Variants in NCBP2L observed in about 807,000 individuals in gnomAD.
NCBP2L encodes the protein nuclear cap binding protein subunit 2 like.
For synonymous variants in NCBP2L, 39 were observed against 19.2 expected, an observed-to-expected ratio of 2.04 and a Z score of -2.70; for missense variants, 95 against 53.1, an observed-to-expected ratio of 1.79 and a Z score of -2.45.
At chrX:107,781,472 A>ATT (rs769639335) in intron 1 of NCBP2L, among the ~76,000 whole-genome samples, 53 of 73,848 alleles carry the variant, frequency 7.2e-4, no homozygotes, top group African/African-American at 2.9e-3. Context: ...CGCCCGGCTA[A>ATT]TTTTTTTTTT....
intron 1 of NCBP2L, among the ~76,000 whole-genome samples, chrX:107,792,409 G>T (rs1386566310): frequency 9.1e-6 from 1 of 110,173 alleles, no homozygotes; most frequent in Non-Finnish European, 1.9e-5. Flanking sequence ...ATTTGTCAAT[G>T]ACTTAAAGTA....
intron 1 of NCBP2L, among the ~76,000 whole-genome samples, chrX:107,781,676 A>ATCTATCTATCTATCTCTCTCTCTCTCTC (rs1380779020): frequency 1.8e-5 from 1 of 55,885 alleles, no homozygotes; most frequent in African/African-American, 1.1e-4. Context: ...CTATCTATCT[A>ATCTATCTATCTATCTCTCTCTCTCTCTC]TCTCTCTCTC....
chrX:107,782,250 A>T (rs57298762), intron 1 of NCBP2L, among the ~76,000 whole-genome samples: 20 of 4,109 alleles, frequency 4.9e-3, no homozygotes, highest in East Asian at 0.021. Flanking sequence ...TATATATATA[A>T]ATATATATAT....
At chrX:107,781,770 A>ATATATATAGATCTATAGATATCTATATT (rs1569457145) in intron 1 of NCBP2L, among the ~76,000 whole-genome samples, 8 of 32,625 alleles carry the variant, frequency 2.5e-4, no homozygotes, top group Non-Finnish European at 4.1e-4. Flanking sequence ...ATAGATATCT[A>ATATATATAGATCTATAGATATCTATATT]TATATATAGA....
At chrX:107,779,569 C>T (rs1404314971) in intron 1 of NCBP2L, among the ~76,000 whole-genome samples, 2 of 110,792 alleles carry the variant, frequency 1.8e-5, no homozygotes, top group African/African-American at 3.3e-5. Flanking sequence ...GCTGGGATTA[C>T]GGGCATGTGC....
chrX:107,783,226 T>C (rs1213633800), intron 1 of NCBP2L, among the ~76,000 whole-genome samples: 1 of 108,784 alleles, frequency 9.2e-6, no homozygotes, highest in Non-Finnish European at 1.9e-5. Flanking sequence ...CTCACGCCTG[T>C]AATTCTAGCA....
At chrX:107,779,298 G>A (rs919424516) in intron 1 of NCBP2L, among the ~76,000 whole-genome samples, 1 of 112,386 alleles carries the variant, frequency 8.9e-6, no homozygotes, top group Non-Finnish European at 1.9e-5. Context: ...TGGGGACAAA[G>A]TCACAGGTAC....
rs780380652 is a variant in NCBP2L, at chrX:107,794,297, G to A, written c.77G>A (p.Gly26Asp). 1.8e-6 allele frequency: 1 copy of A among 569,861 alleles called. No homozygotes were observed. Among genetic ancestry groups the A allele is most frequent in the South Asian group, 2.2e-5 (1 of 44,899 alleles). 47.0% of individuals were successfully genotyped at this position (569,861 alleles called of 1,213,427 possible). Residue 26 changes from glycine (G) to aspartate (D), a missense_variant, in exon 2 of 2, where the codon GGC (glycine) becomes GAC (aspartate). Physicochemically the swap from Gly to Asp is moderately conservative, Grantham distance 94. Transcript: ENST00000509000. ...LSCYRDHQFS[G>D]RKFQQEKLLK... Reference sequence around the variant, plus strand: ...TGCTACCGGGACCATCAGTTCAGTGGCCGTAAATTTCAGCAGGAAAAATTA... The same window carrying A: ...TGCTACCGGGACCATCAGTTCAGTGACCGTAAATTTCAGCAGGAAAAATTA...
chrX:107,791,382 C>G (rs939412888), intron 1 of NCBP2L, among the ~76,000 whole-genome samples: 1 of 111,160 alleles, frequency 9.0e-6, no homozygotes, highest in Non-Finnish European at 1.9e-5. Flanking sequence ...GTAGCTGGGA[C>G]TATAGTCACA....
intron 1 of NCBP2L, among the ~76,000 whole-genome samples, chrX:107,781,651 CATCTATCTATCTATCTATCTATCTA>C (rs1930273595): frequency 1.5e-5 from 1 of 65,221 alleles, no homozygotes; most frequent in Non-Finnish European, 2.6e-5. Flanking sequence ...ATCTATCTAT[CATCTATCTATCTATCTATCTATCTA>C]TCTCTCTCTC....
intron 1 of NCBP2L, among the ~76,000 whole-genome samples, chrX:107,782,249 AAAT>A (rs1930315861): frequency 2.3e-4 from 2 of 8,649 alleles, no homozygotes; most frequent in Non-Finnish European, 3.4e-4. Flanking sequence ...ATATATATAT[AAAT>A]ATATATATAA....
chrX:107,794,923 G>A lies in NCBP2L; in HGVS notation c.*241G>A, dbSNP rs763360953. 3 of 251,137 alleles carry A rather than the reference G, an allele frequency of 1.2e-5. No homozygotes were observed. Among genetic ancestry groups the A allele is most frequent in the Non-Finnish European group, 2.1e-5 (3 of 141,761 alleles). 20.7% of individuals were successfully genotyped at this position (251,137 alleles called of 1,213,427 possible). A position where few individuals can be genotyped will look rare whatever the true frequency, so the allele number is the denominator to read the frequency against. ...GGTGGTCCAAAGTGAAGTGTTCTTC[G>A]GGAACAAATTAGGTATGTAAGATCA... On this transcript the variant is annotated 3_prime_UTR_variant, in exon 2 of 2. Transcript: ENST00000509000.
At chrX:107,791,850 T>G (rs1276143802) in intron 1 of NCBP2L, among the ~76,000 whole-genome samples, 1 of 112,066 alleles carries the variant, frequency 8.9e-6, no homozygotes, top group East Asian at 2.8e-4. Context: ...GAAATCAGTA[T>G]TGTTAAGTGC....
At chrX:107,792,698 C>A (rs185847745) in intron 1 of NCBP2L, among the ~76,000 whole-genome samples, 1 of 111,907 alleles carries the variant, frequency 8.9e-6, no homozygotes, top group South Asian at 3.8e-4. Context: ...CTGCAACACA[C>A]ACATATACAT....
intron 1 of NCBP2L, among the ~76,000 whole-genome samples, chrX:107,784,743 G>A (rs1403629533): frequency 1.9e-5 from 2 of 104,071 alleles, no homozygotes; most frequent in African/African-American, 7.1e-5. Flanking sequence ...AGCTGAGGCG[G>A]GTGGATCACT....
At chrX:107,782,338 A>T (rs7889113) in intron 1 of NCBP2L, among the ~76,000 whole-genome samples, 11 of 34,778 alleles carry the variant, frequency 3.2e-4, no homozygotes, top group African/African-American at 1.3e-3. Context: ...TATATATATA[A>T]ATATATATAT....
intron 1 of NCBP2L, among the ~76,000 whole-genome samples, chrX:107,789,831 C>T (rs1295098397): frequency 9.1e-6 from 1 of 109,667 alleles, no homozygotes. Flanking sequence ...CAGTCTTTCC[C>T]AGGTTTTTTC....
intron 1 of NCBP2L, among the ~76,000 whole-genome samples, chrX:107,782,186 TATATATATAAATATATATATATAA>T (rs1569457211): frequency 0.012 from 332 of 28,205 alleles, 57 homozygotes; most frequent in African/African-American, 0.059. Flanking sequence ...TATATAAATA[TATATATATAAATATATATATATAA>T]ATATATATAT....
chrX:107,794,280 G>A lies in NCBP2L; in HGVS notation c.60G>A (p.Arg20=), dbSNP rs1198996657. Residue 20 remains arginine, a synonymous_variant, in exon 2 of 2, where the codon CGG becomes CGA. Transcript: ENST00000509000. ...CTGCTTTGGAGCTGAGCTGCTACCG[G>A]GACCATCAGTTCAGTGGCCGTAAAT... The part of the protein sequence containing the change: ...KDPALELSCY[R]DHQFSGRKFQ... 1.8e-6 allele frequency: 1 copy of A among 566,622 alleles called. No individual in the cohort carries two copies. The highest frequency in any genetic ancestry group is 2.2e-5 in the African/African-American group (1 of 44,571). The allele number at this position is 566,622 out of a possible 1,213,427, so 46.7% of individuals were successfully genotyped here.
Sources: gnomAD v4.1 joint callset for allele counts (sites outside exome capture counted in the v4.1 genomes callset) on GRCh38, gnomAD v4.1.1 for gene constraint, MANE v1.5 for transcripts, NCBI Gene and HGNC (gene_info 2026-07-23, HGNC 2026-07-21) for gene names.